Variants in KCNB2 observed in about 807,000 individuals in gnomAD.
KCNB2 encodes the protein potassium voltage-gated channel subfamily B member 2.
KCNB2 carries 15 observed loss-of-function variants against 61.5 expected under a neutral mutation model. The ratio of observed to expected loss-of-function variants is 0.24; its 90% confidence interval spans 0.16 to 0.38. The LOEUF is 0.38. Ranked by LOEUF, KCNB2 falls within the 10% of genes least tolerant of loss-of-function variation. The pLI, the probability that KCNB2 is intolerant of heterozygous loss-of-function variation, is 1.00. For missense variants in KCNB2, 828 were observed against 1,125.2 expected, an observed-to-expected ratio of 0.74 and a Z score of 3.78; for synonymous variants, 457 against 446.0, an observed-to-expected ratio of 1.02 and a Z score of -0.31.
chr8:72,739,638 G>T (rs904551999), intron 2 of KCNB2, among the ~76,000 whole-genome samples: 2 of 151,870 alleles, frequency 1.3e-5, no homozygotes, highest in South Asian at 2.1e-4. Context: ...GGTATGGCTG[G>T]GGCTTTGAGT....
chr8:72,841,372 C>CTTTTTTTTTTTTTTTTTTTTTTTTTT (rs769263287), intron 2 of KCNB2, among the ~76,000 whole-genome samples: 3 of 34,258 alleles, frequency 8.8e-5, no homozygotes, highest in East Asian at 5.0e-4. Flanking sequence ...TTTTTTTTTT[C>CTTTTTTTTTTTTTTTTTTTTTTTTTT]TTTTTTTTTT....
At chr8:72,631,626 G>A (rs72668158) in intron 2 of KCNB2, among the ~76,000 whole-genome samples, 8 of 152,280 alleles carry the variant, frequency 5.3e-5, no homozygotes, top group East Asian at 1.9e-4. Context: ...AGACTTCAAC[G>A]TAACTTTGTG....
chr8:72,596,156 T>G (rs1283605362), intron 2 of KCNB2, among the ~76,000 whole-genome samples: 1 of 152,206 alleles, frequency 6.6e-6, no homozygotes, highest in Non-Finnish European at 1.5e-5. Flanking sequence ...GTTGAGAAAC[T>G]GAAAGGAAGG....
intron 2 of KCNB2, among the ~76,000 whole-genome samples, chr8:72,702,894 G>A (rs1035287960): frequency 2.0e-5 from 3 of 152,118 alleles, no homozygotes; most frequent in Admixed American, 6.5e-5. Context: ...TCCACTCCCC[G>A]TGGCATGTCT....
intron 2 of KCNB2, among the ~76,000 whole-genome samples, chr8:72,798,983 C>A (rs1161839897): frequency 6.6e-6 from 1 of 152,164 alleles, no homozygotes; most frequent in Non-Finnish European, 1.5e-5. Flanking sequence ...GCCAACAGAG[C>A]ACCACCATCT....
chr8:72,831,846 A>G (rs530444810), intron 2 of KCNB2, among the ~76,000 whole-genome samples: 79 of 152,362 alleles, frequency 5.2e-4, no homozygotes, highest in African/African-American at 1.8e-3. Context: ...TGAAGAGACT[A>G]TCCTTCACAC....
chr8:72,698,982 C>A (rs547567033), intron 2 of KCNB2, among the ~76,000 whole-genome samples: 1 of 152,076 alleles, frequency 6.6e-6, no homozygotes, highest in Non-Finnish European at 1.5e-5. Flanking sequence ...GCAATTGCAA[C>A]ATAAACCAAA....
chr8:72,910,427 G>A (rs1018922697), intron 2 of KCNB2, among the ~76,000 whole-genome samples: 4 of 152,088 alleles, frequency 2.6e-5, no homozygotes, highest in African/African-American at 9.7e-5. Flanking sequence ...TGGAGGAAAT[G>A]GTGATAAGAG....
chr8:72,810,861 A>G (rs1231807889), intron 2 of KCNB2, among the ~76,000 whole-genome samples: 1 of 152,246 alleles, frequency 6.6e-6, no homozygotes, highest in Non-Finnish European at 1.5e-5. Flanking sequence ...TGGGATGGAC[A>G]TTCTTATCTA....
intron 2 of KCNB2, among the ~76,000 whole-genome samples, chr8:72,778,676 A>T (rs577346732): frequency 7.4e-6 from 1 of 135,000 alleles, no homozygotes; most frequent in East Asian, 2.5e-4. Context: ...TCAAGGCTGC[A>T]GTAAGCTGTG....
At chr8:72,546,669 T>C (rs2128976890) in intron 1 of KCNB2, among the ~76,000 whole-genome samples, 1 of 152,294 alleles carries the variant, frequency 6.6e-6, no homozygotes, top group South Asian at 2.1e-4. Flanking sequence ...TCTCACTCTG[T>C]CACCCAGTCT....
At chr8:72,701,094 C>G (rs150173258) in intron 2 of KCNB2, among the ~76,000 whole-genome samples, 97 of 152,138 alleles carry the variant, frequency 6.4e-4, no homozygotes, top group Non-Finnish European at 1.3e-3. Flanking sequence ...GGGAGGGGAA[C>G]AAGAGTTGAA....
chr8:72,774,412 GC>G (rs1363603331), intron 2 of KCNB2, among the ~76,000 whole-genome samples: 1 of 152,112 alleles, frequency 6.6e-6, no homozygotes, highest in Admixed American at 6.5e-5. Flanking sequence ...GTGCAGTGGC[GC>G]AATCTCGGCT....
At chr8:72,568,995 T>G (rs1272992039) in intron 2 of KCNB2, among the ~76,000 whole-genome samples, 1 of 152,124 alleles carries the variant, frequency 6.6e-6, no homozygotes, top group Non-Finnish European at 1.5e-5. Context: ...TGAAGGTAAA[T>G]TCATATTTTC....
intron 2 of KCNB2, among the ~76,000 whole-genome samples, chr8:72,766,948 C>T (rs1049458690): frequency 6.6e-5 from 10 of 152,048 alleles, no homozygotes; most frequent in Admixed American, 2.0e-4. Flanking sequence ...AGGTGGGAAG[C>T]GAAAGGCACT....
intron 2 of KCNB2, among the ~76,000 whole-genome samples, chr8:72,572,277 A>G (rs1806721077): frequency 6.6e-6 from 1 of 152,184 alleles, no homozygotes; most frequent in Non-Finnish European, 1.5e-5. Flanking sequence ...TGTGCCGGGC[A>G]GTGCCAGACA....
intron 2 of KCNB2, among the ~76,000 whole-genome samples, chr8:72,786,008 T>C (rs1304085230): frequency 7.7e-6 from 1 of 130,578 alleles, no homozygotes; most frequent in Non-Finnish European, 1.7e-5. Context: ...TCTGCAAAAA[T>C]AAAGTTGTTT....
intron 2 of KCNB2, among the ~76,000 whole-genome samples, chr8:72,727,261 CTAATTTCCACACAGT>C (rs1196975899): frequency 6.6e-6 from 1 of 152,130 alleles, no homozygotes; most frequent in Non-Finnish European, 1.5e-5. Flanking sequence ...ACTCATTTGC[CTAATTTCCACACAGT>C]TTGAAAATTT....
intron 2 of KCNB2, among the ~76,000 whole-genome samples, chr8:72,894,697 G>A (rs1264548260): frequency 6.6e-6 from 1 of 152,114 alleles, no homozygotes; most frequent in Non-Finnish European, 1.5e-5. Context: ...ATGTTGACTG[G>A]TCTAAACTCC....
Sources: gnomAD v4.1 joint callset for allele counts (sites outside exome capture counted in the v4.1 genomes callset) on GRCh38, gnomAD v4.1.1 for gene constraint, MANE v1.5 for transcripts, NCBI Gene and HGNC (gene_info 2026-07-23, HGNC 2026-07-21) for gene names.